The following ADGRB3 variants were observed in gnomAD, a reference collection of about 807,000 sequenced individuals.
The protein encoded by ADGRB3 is brain-specific angiogenesis inhibitor 3.
A neutral mutation model predicts 193.4 loss-of-function variants in ADGRB3; 37 were observed. The ratio of observed to expected loss-of-function variants is 0.19; its 90% CI spans 0.15 to 0.25. The LOEUF (loss-of-function observed/expected upper bound fraction) is 0.25. Ranked by LOEUF, ADGRB3 falls within the 10% of genes least tolerant of loss-of-function variation. The pLI, the probability that ADGRB3 is intolerant of heterozygous loss-of-function variation, is 1.00. For synonymous variants in ADGRB3, 690 were observed against 644.2 expected, an observed-to-expected ratio of 1.07 and a Z score of -1.08; for missense variants, 1,637 against 1,852.9, an observed-to-expected ratio of 0.88 and a Z score of 2.14.
intron 17 of ADGRB3, among the ~76,000 whole-genome samples, chr6:69,157,802 C>A (rs1774883735): frequency 6.6e-6 from 1 of 151,748 alleles, no homozygotes; most frequent in Admixed American, 6.6e-5. Flanking sequence ...TGGCAACCAA[C>A]TTATGACAAT....
chr6:68,984,049 G>C (rs1244237459), intron 10 of ADGRB3, among the ~76,000 whole-genome samples: 1 of 152,156 alleles, frequency 6.6e-6, no homozygotes, highest in East Asian at 1.9e-4. Context: ...GCCAGAGGTA[G>C]TAAGCAAGAA....
chr6:68,835,872 G>A lies in ADGRB3; in HGVS notation c.758-94687G>A, dbSNP rs190319108. ...TGTTTAGTGGATTATTTATTTTCCC[G>A]GTCCCAGCAATTTTTTGAAGAACAA... On this transcript the variant is annotated intron_variant, in intron 3 of 31. Transcript: ENST00000370598. Among the ~76,000 whole-genome samples, 147 of 151,726 alleles carry A rather than the reference G, an allele frequency of 9.7e-4. No homozygotes were observed. In the South Asian group the frequency reaches 0.016, roughly 17 times the overall value.
intron 3 of ADGRB3, among the ~76,000 whole-genome samples, chr6:68,924,532 T>C (rs1451342687): frequency 1.3e-5 from 2 of 152,046 alleles, no homozygotes; most frequent in Admixed American, 6.6e-5. Flanking sequence ...CTACAAAATG[T>C]TATAAGTAAC....
chr6:69,010,562 G>A (rs1459200131), intron 11 of ADGRB3, among the ~76,000 whole-genome samples: 9 of 152,092 alleles, frequency 5.9e-5, no homozygotes, highest in East Asian at 1.9e-4. Flanking sequence ...CAAGCTTCAC[G>A]ATAGCTCTGC....
intron 10 of ADGRB3, among the ~76,000 whole-genome samples, chr6:68,978,564 G>C (rs981043213): frequency 6.6e-6 from 1 of 151,406 alleles, no homozygotes; most frequent in African/African-American, 2.4e-5. Context: ...TCACACATCA[G>C]CCTCATCATC....
chr6:69,198,080 A>C (rs1201616984), intron 17 of ADGRB3, among the ~76,000 whole-genome samples: 1 of 151,914 alleles, frequency 6.6e-6, no homozygotes, highest in Non-Finnish European at 1.5e-5. Context: ...TGTGTTTTGA[A>C]CCTCTTAATA....
chr6:69,152,435 G>A (rs1774706053), intron 17 of ADGRB3, among the ~76,000 whole-genome samples: 1 of 152,164 alleles, frequency 6.6e-6, no homozygotes, highest in South Asian at 2.1e-4. Context: ...GTAAATCTGT[G>A]TCTTTAATCT....
intron 16 of ADGRB3, among the ~76,000 whole-genome samples, chr6:69,074,250 A>T (rs1019943974): frequency 6.6e-6 from 1 of 152,344 alleles, no homozygotes; most frequent in East Asian, 1.9e-4. Flanking sequence ...TGTACCAATT[A>T]AAATGAATAA....
intron 3 of ADGRB3, among the ~76,000 whole-genome samples, chr6:68,881,972 C>T (rs1765746331): frequency 6.6e-6 from 1 of 152,078 alleles, no homozygotes; most frequent in African/African-American, 2.4e-5. Context: ...TATAATAATC[C>T]ATTCCTAATT....
intron 3 of ADGRB3, among the ~76,000 whole-genome samples, chr6:68,683,331 A>T (rs1005888123): frequency 2.6e-5 from 4 of 152,126 alleles, no homozygotes; most frequent in African/African-American, 9.6e-5. Flanking sequence ...GCACCCAAAC[A>T]TCTGGCAATA....
intron 3 of ADGRB3, among the ~76,000 whole-genome samples, chr6:68,658,149 A>C (rs533155790): frequency 6.6e-6 from 1 of 151,394 alleles, no homozygotes; most frequent in Admixed American, 6.6e-5. Context: ...TGTTATTATT[A>C]CTTTTGTTTT....
intron 17 of ADGRB3, among the ~76,000 whole-genome samples, chr6:69,091,146 C>T (rs1185833581): frequency 2.0e-5 from 3 of 152,044 alleles, no homozygotes; most frequent in African/African-American, 4.8e-5. Flanking sequence ...ATAACAGATC[C>T]TAGCGAGGTT....
At chr6:68,736,131 G>T (rs1422127877) in intron 3 of ADGRB3, among the ~76,000 whole-genome samples, 1 of 151,546 alleles carries the variant, frequency 6.6e-6, no homozygotes, top group African/African-American at 2.4e-5. Flanking sequence ...TCCTGCTTCA[G>T]CCTCTCCTGT....
rs537518264 is a variant in ADGRB3 at position 68,875,847 on chromosome 6, C to T, written c.758-54712C>T. ...GAATTTTAATTTTTTAAAAAACTTA[C>T]ATAGAATGAGAAGGAGAAAGCCTAT... On this transcript the variant is annotated intron_variant, in intron 3 of 31. Transcript: ENST00000370598. 6.6e-5 allele frequency among the ~76,000 whole-genome samples: 10 copies of T among 152,076 alleles called. No homozygotes were observed. In the South Asian group the frequency reaches 2.1e-3, roughly 32 times the overall value.
Position 68,690,838 on chromosome 6 carries a change from T to C in ADGRB3, c.757+51406T>C, listed in dbSNP as rs149034696. Among the ~76,000 whole-genome samples the C allele has an allele frequency of 7.4e-3, 1,130 of 152,272 alleles. 5 individuals carry two copies. Among genetic ancestry groups the C allele is most frequent in the South Asian group, 0.024 (115 of 4,832 alleles). On this transcript the variant is annotated intron_variant, in intron 3 of 31. Transcript: ENST00000370598. Reference sequence around the variant, plus strand: ...TCATCTTTCATTTTATGCCATGCTTTATTATTTTATGTTTATTTTCCCATT... The same window carrying C: ...TCATCTTTCATTTTATGCCATGCTTCATTATTTTATGTTTATTTTCCCATT...
chr6:69,124,306 C>G (rs1189789562), intron 17 of ADGRB3, among the ~76,000 whole-genome samples: 1 of 152,074 alleles, frequency 6.6e-6, no homozygotes, highest in Non-Finnish European at 1.5e-5. Context: ...TAATTGTTAA[C>G]ACTTCTGTTA....
chr6:69,338,522 C>A (rs939409124), intron 24 of ADGRB3, among the ~76,000 whole-genome samples: 3 of 152,092 alleles, frequency 2.0e-5, no homozygotes, highest in African/African-American at 4.8e-5. Flanking sequence ...ATATATATGC[C>A]TTCTGCAATT....
At chr6:68,898,195 G>A (rs1488012202) in intron 3 of ADGRB3, among the ~76,000 whole-genome samples, 1 of 151,912 alleles carries the variant, frequency 6.6e-6, no homozygotes, top group East Asian at 1.9e-4. Context: ...GGGGCCACTG[G>A]TGTAAGTCTG....
At chr6:69,043,600 C>A (rs1440943294) in intron 13 of ADGRB3, among the ~76,000 whole-genome samples, 1 of 152,122 alleles carries the variant, frequency 6.6e-6, no homozygotes, top group Non-Finnish European at 1.5e-5. Context: ...ACTGGAAAAC[C>A]TGCTCCAGTA....
Sources: gnomAD v4.1 joint callset for allele counts (sites outside exome capture counted in the v4.1 genomes callset) on GRCh38, gnomAD v4.1.1 for gene constraint, MANE v1.5 for transcripts, NCBI Gene and HGNC (gene_info 2026-07-23, HGNC 2026-07-21) for gene names.